Variants in FAM107A observed in about 807,000 individuals in gnomAD.
The protein encoded by FAM107A is family with sequence similarity 107 member A.
FAM107A carries 19 observed loss-of-function variants against 13.7 expected under a neutral mutation model. That is an observed-to-expected ratio of 1.38 (90% CI 0.97 to 2.03). FAM107A has a LOEUF of 2.03. Among genes scored for constraint, FAM107A ranks in the 30% most tolerant of loss-of-function variants. The pLI, the probability that FAM107A is intolerant of heterozygous loss-of-function variation, is 0.00. For synonymous variants in FAM107A, 82 were observed against 74.5 expected (o/e 1.10, Z -0.52); for missense variants, 203 against 184.4 (o/e 1.10, Z -0.58).
intron 1 of FAM107A, among the ~76,000 whole-genome samples, chr3:58,574,598 G>A (rs200763712): frequency 6.6e-6 from 1 of 152,354 alleles, no homozygotes; most frequent in East Asian, 1.9e-4. Context: ...AAGATTGGAT[G>A]AGCTAAAGAG....
intron 1 of FAM107A, among the ~76,000 whole-genome samples, chr3:58,576,165 C>T (rs1438336371): frequency 6.6e-6 from 1 of 152,232 alleles, no homozygotes; most frequent in African/African-American, 2.4e-5. Flanking sequence ...CCAGATCTCC[C>T]AGCAGCTTCT....
intron 1 of FAM107A, chr3:58,586,774 G>T: frequency 7.5e-7 from 1 of 1,332,528 alleles, no homozygotes; most frequent in Non-Finnish European, 9.8e-7. Flanking sequence ...GCCCAGCGGC[G>T]GACTGGCCAG....
At chr3:58,588,448 A>G (rs2065628294), upstream of FAM107A, among the ~76,000 whole-genome samples, 1 of 152,198 alleles carries the variant, frequency 6.6e-6, no homozygotes, top group Non-Finnish European at 1.5e-5. Flanking sequence ...CCCAGACACC[A>G]TCCAGTGTCC....
chr3:58,595,700 G>GCGCACA (rs1553629108), intron 1 of FAM107A, among the ~76,000 whole-genome samples: 1 of 150,868 alleles, frequency 6.6e-6, no homozygotes, highest in African/African-American at 2.4e-5. Context: ...CTTGTTGCGT[G>GCGCACA]CACACACACA....
intron 1 of FAM107A, chr3:58,570,309 TAAAAAG>T: frequency 7.0e-6 from 6 of 862,250 alleles, no homozygotes; most frequent in Non-Finnish European, 8.4e-6. Context: ...AATGCAGTGA[TAAAAAG>T]AAAGTATTAC....
chr3:58,615,214 A>T (rs1474298551), intron 1 of FAM107A, among the ~76,000 whole-genome samples: 1 of 152,200 alleles, frequency 6.6e-6, no homozygotes, highest in African/African-American at 2.4e-5. Flanking sequence ...CATCTTCAAT[A>T]TCATGTATTT....
At chr3:58,612,845 C>G (rs935237217) in intron 1 of FAM107A, among the ~76,000 whole-genome samples, 2 of 152,156 alleles carry the variant, frequency 1.3e-5, no homozygotes, top group African/African-American at 4.8e-5. Flanking sequence ...CCTCTCATCA[C>G]CGCCCCCTTG....
chr3:58,584,014 C>A (rs1211226372), intron 1 of FAM107A, among the ~76,000 whole-genome samples: 3 of 152,266 alleles, frequency 2.0e-5, no homozygotes, highest in Admixed American at 6.5e-5. Context: ...GTAATGTCCT[C>A]CTTGGGGGCT....
At chr3:58,619,614 GC>G (rs1318903974) in intron 1 of FAM107A, among the ~76,000 whole-genome samples, 1 of 152,162 alleles carries the variant, frequency 6.6e-6, no homozygotes, top group East Asian at 1.9e-4. Flanking sequence ...CCCCTTCAGT[GC>G]CCCAGGTCCT....
rs1188651201 is a variant in FAM107A at position 58,565,292 on chromosome 3, C to CA, written c.*1295dup. The CA allele has an allele frequency of 6.6e-6, 1 of 151,992 alleles. No individual in the cohort carries two copies. Among genetic ancestry groups the CA allele is most frequent in the African/African-American group, 2.4e-5 (1 of 41,364 alleles). The allele number at this position is 151,992 out of a possible 1,614,324, so 9.4% of individuals were successfully genotyped here. ...CAGCTAGGGGTTGGGTCTCAGGTGA[C>CA]AGAGGCCGGGGATTCAGACTCAAAG... On this transcript the variant is annotated 3_prime_UTR_variant, in exon 4 of 4. Coordinates refer to ENST00000360997, the MANE Select transcript of FAM107A (RefSeq NM_001076778.3).
upstream of FAM107A, among the ~76,000 whole-genome samples, chr3:58,589,554 A>G (rs914367948): frequency 6.6e-6 from 1 of 152,198 alleles, no homozygotes; most frequent in Non-Finnish European, 1.5e-5. Context: ...AGTTAACAAG[A>G]TAGTACAGAG....
chr3:58,584,099 G>T (rs914276830), intron 1 of FAM107A, among the ~76,000 whole-genome samples: 1 of 152,070 alleles, frequency 6.6e-6, no homozygotes, highest in Non-Finnish European at 1.5e-5. Flanking sequence ...ACTTCCTGCC[G>T]CTCCCTGTGT....
intron 1 of FAM107A, among the ~76,000 whole-genome samples, chr3:58,623,102 G>A (rs565166797): frequency 6.6e-6 from 1 of 152,234 alleles, no homozygotes; most frequent in Non-Finnish European, 1.5e-5. Flanking sequence ...ATCCATCATC[G>A]GCAGGGAAAA....
chr3:58,589,096 G>A (rs1559481246), upstream of FAM107A: 8 of 721,544 alleles, frequency 1.1e-5, no homozygotes, highest in Non-Finnish European at 1.7e-5. Context: ...CAAACCAGCT[G>A]TGGAGCAAAG....
chr3:58,626,163 C>T (rs909507847), intron 1 of FAM107A, among the ~76,000 whole-genome samples: 8 of 152,018 alleles, frequency 5.3e-5, no homozygotes, highest in South Asian at 2.1e-4. Flanking sequence ...GCAGTGAGCA[C>T]GTAGGACAAT....
At chr3:58,577,827 G>A, upstream of FAM107A, 1 of 545,420 alleles carries the variant, frequency 1.8e-6, no homozygotes. The surrounding 1 kb of genome is among the most constrained non-coding windows in gnomAD (Gnocchi z 4.9). Flanking sequence ...AAAGGGAGGG[G>A]AAACTGCTCA....
At chr3:58,612,218 T>G (rs2108078624) in intron 1 of FAM107A, among the ~76,000 whole-genome samples, 1 of 152,160 alleles carries the variant, frequency 6.6e-6, no homozygotes, top group Non-Finnish European at 1.5e-5. Context: ...AACCTAAATA[T>G]CCAAAAATCA....
upstream of FAM107A, chr3:58,577,839 C>A: frequency 2.2e-6 from 1 of 445,002 alleles, no homozygotes; most frequent in South Asian, 9.4e-5. The surrounding 1 kb of genome is among the most constrained non-coding windows in gnomAD (Gnocchi z 4.9). Context: ...AACTGCTCAG[C>A]ATTGGGTCAG....
chr3:58,588,710 T>C (rs1408049802), upstream of FAM107A, among the ~76,000 whole-genome samples: 1 of 152,208 alleles, frequency 6.6e-6, no homozygotes, highest in Non-Finnish European at 1.5e-5. Flanking sequence ...TATGGTTCTT[T>C]CTTTCTTTAT....
Sources: allele counts gnomAD v4.1 joint callset (sites outside exome capture counted in the v4.1 genomes callset), GRCh38; gene constraint gnomAD v4.1.1; non-coding constraint Gnocchi (gnomAD v3.1); transcripts MANE v1.5; gene names NCBI Gene and HGNC (gene_info 2026-07-23, HGNC 2026-07-21).